The following CHN1 variants were observed in gnomAD, a reference collection of about 807,000 sequenced individuals.
CHN1 encodes the protein chimerin 1.
Under a neutral mutation model 59.5 loss-of-function variants are expected in CHN1, and 37 were observed. The ratio of observed to expected loss-of-function variants is 0.62; its 90% confidence interval spans 0.48 to 0.82. The LOEUF (loss-of-function observed/expected upper bound fraction) is 0.82. Among genes scored for constraint, CHN1 ranks in the 40% least tolerant of loss-of-function variants. The pLI is 0.00. For synonymous variants in CHN1, 206 were observed against 200.4 expected, an observed-to-expected ratio of 1.03 and a Z score of -0.24; for missense variants, 469 against 571.0, an observed-to-expected ratio of 0.82 and a Z score of 1.82.
intron 4 of CHN1, 55 bp downstream of exon 4, chr2:174,918,479 C>A: frequency 7.5e-7 from 1 of 1,328,244 alleles, no homozygotes; most frequent in Non-Finnish European, 1.0e-6. Flanking sequence ...TCCATTTACC[C>A]TGTCTGTCTT....
chr2:174,974,648 T>A (rs1326757482), intron 1 of CHN1, among the ~76,000 whole-genome samples: 2 of 152,146 alleles, frequency 1.3e-5, no homozygotes, highest in Middle Eastern at 3.2e-3. Flanking sequence ...AAGGCAAATA[T>A]GCTAGTAGTA....
At chr2:174,990,260 T>TGAGAGAGA (rs1163852070) in intron 1 of CHN1, among the ~76,000 whole-genome samples, 2 of 98,684 alleles carry the variant, frequency 2.0e-5, no homozygotes, top group African/African-American at 3.7e-5. Flanking sequence ...TGTGTGTGTG[T>TGAGAGAGA]GTGAGAGAGA....
At chr2:174,880,383 TAGGA>T (rs996140593) in intron 5 of CHN1, among the ~76,000 whole-genome samples, 2 of 152,228 alleles carry the variant, frequency 1.3e-5, no homozygotes, top group African/African-American at 4.8e-5. Flanking sequence ...GGAAGTTACC[TAGGA>T]ACAGCACCAC....
At chr2:174,918,884 A>G (rs1688923721) in intron 3 of CHN1, among the ~76,000 whole-genome samples, 1 of 152,160 alleles carries the variant, frequency 6.6e-6, no homozygotes, top group South Asian at 2.1e-4. Flanking sequence ...ATATAGCCAC[A>G]ATTGTGACAC....
intron 7 of CHN1, among the ~76,000 whole-genome samples, chr2:174,839,997 G>T (rs140804494): frequency 2.6e-5 from 4 of 151,780 alleles, no homozygotes; most frequent in African/African-American, 4.8e-5. Context: ...ACCCTCTGTC[G>T]AATTTTACTC....
At chr2:174,845,936 C>T (rs978860472) in intron 7 of CHN1, among the ~76,000 whole-genome samples, 1 of 152,102 alleles carries the variant, frequency 6.6e-6, no homozygotes, top group Non-Finnish European at 1.5e-5. Context: ...AATGAAAGAT[C>T]ATGATTTCCA....
At chr2:174,962,663 CG>C (rs539001023) in intron 1 of CHN1, among the ~76,000 whole-genome samples, 1,172 of 17,926 alleles carry the variant, frequency 0.065, 134 homozygotes, top group Middle Eastern at 0.15. Context: ...TTGGAAGGCC[CG>C]GGGGGGGGGG....
chr2:174,940,253 TC>T lies in CHN1; in HGVS notation c.114+4634del, dbSNP rs559553218. Among the ~76,000 whole-genome samples the T allele has an allele frequency of 2.6e-3, 391 of 152,282 alleles. 1 individual carries two copies. Among genetic ancestry groups the T allele is most frequent in the African/African-American group, 8.5e-3 (355 of 41,570 alleles). ...CACGTTGGCCAGGCTAGTCTTGATC[TC>T]CTGATCTCGTGATCCACCCGCCTTA... On this transcript the variant is annotated intron_variant, in intron 3 of 12. Transcript: ENST00000409900.
At chr2:174,946,845 T>C (rs941324997) in intron 2 of CHN1, among the ~76,000 whole-genome samples, 7 of 146,172 alleles carry the variant, frequency 4.8e-5, no homozygotes, top group Non-Finnish European at 7.4e-5. Flanking sequence ...GGGAGGATCA[T>C]TTGAGCTCAA....
At chr2:174,829,114 C>T (rs749606383) in intron 7 of CHN1, among the ~76,000 whole-genome samples, 5 of 152,150 alleles carry the variant, frequency 3.3e-5, no homozygotes, top group Non-Finnish European at 7.3e-5. Context: ...AGTTTCAAAG[C>T]CCTCTTGTGC....
intron 5 of CHN1, among the ~76,000 whole-genome samples, chr2:174,914,140 A>C (rs1467062144): frequency 1.3e-5 from 2 of 152,228 alleles, no homozygotes; most frequent in Non-Finnish European, 2.9e-5. Context: ...CTGTTTCCTC[A>C]TCTGTAAAAT....
chr2:174,826,846 A>G (rs1349532837), intron 7 of CHN1, among the ~76,000 whole-genome samples: 2 of 152,196 alleles, frequency 1.3e-5, no homozygotes, highest in African/African-American at 4.8e-5. Context: ...GTATCTCAGA[A>G]AGCAATCTTT....
intron 7 of CHN1, among the ~76,000 whole-genome samples, chr2:174,824,923 G>A (rs1298587810): frequency 6.6e-6 from 1 of 152,166 alleles, no homozygotes; most frequent in Non-Finnish European, 1.5e-5. Context: ...GGTTAGTAAT[G>A]AAGCGCCAAC....
At chr2:174,888,385 G>A (rs181289595) in intron 5 of CHN1, among the ~76,000 whole-genome samples, 44 of 152,224 alleles carry the variant, frequency 2.9e-4, no homozygotes, top group Admixed American at 2.5e-3. Flanking sequence ...ACACTCACTC[G>A]GAAGGATGAC....
chr2:174,923,923 T>C (rs541722225), intron 3 of CHN1, among the ~76,000 whole-genome samples: 3 of 152,350 alleles, frequency 2.0e-5, no homozygotes, highest in South Asian at 2.1e-4. Flanking sequence ...ATGAGCACTA[T>C]ATCGAAAATA....
At position 174,861,691 on chromosome 2, in the gene CHN1, G is replaced by A. The variant is rs2605286; in HGVS notation, c.550-14734C>T. On this transcript the variant is annotated intron_variant, in intron 6 of 12. Transcript: ENST00000409900. ...ATATGAACTAAAAACATGTTAGAGA[G>A]AAAATTTTGATAACATAGGTATCTT... Among the ~76,000 whole-genome samples the A allele has an allele frequency of 4.5e-3, 689 of 152,278 alleles. 5 individuals carry two copies. Among genetic ancestry groups the A allele is most frequent in the African/African-American group, 0.015 (626 of 41,564 alleles).
chr2:174,931,923 G>T (rs1689361137), intron 3 of CHN1, among the ~76,000 whole-genome samples: 1 of 152,156 alleles, frequency 6.6e-6, no homozygotes, highest in Admixed American at 6.5e-5. Context: ...CAGAATGGGG[G>T]CAGGGAAGAG....
At position 175,001,750 on chromosome 2, in the gene CHN1, T is replaced by C. The variant is rs528171086; in HGVS notation, c.19+3144A>G. On this transcript the variant is annotated intron_variant, in intron 1 of 12. Transcript: ENST00000409900. ...GTCTGGGCTATAAACCACAGCCCCA[T>C]TAAGCTATAAATGACAGAGATTCCT... is the stretch of plus-strand genomic sequence containing the variant. 3.3e-4 allele frequency among the ~76,000 whole-genome samples: 51 copies of C among 152,292 alleles called. No individual in the cohort carries two copies. The South Asian group carries it at 9.9e-3, about 30-fold the overall frequency.
In CHN1 at chr2:174,906,969, GA is replaced by G. The variant is rs1490565493; in HGVS notation, c.260+8088del. ...TTTACCAAACAGAAGAAACCTTGTAGATTTTCTTCCGTCTTTTCCTCCTGGT... is the reference window on the plus strand; with the variant it reads ...TTTACCAAACAGAAGAAACCTTGTAGTTTTCTTCCGTCTTTTCCTCCTGGT... On this transcript the variant is annotated intron_variant, in intron 5 of 12. Coordinates refer to ENST00000409900, the MANE Select transcript of CHN1 (RefSeq NM_001822.7). Among the ~76,000 whole-genome samples the G allele has an allele frequency of 2.6e-5, 4 of 152,296 alleles. 1 individual carries two copies. Among genetic ancestry groups the G allele is most frequent in the African/African-American group, 9.6e-5 (4 of 41,558 alleles).
Sources: gnomAD v4.1 joint callset for allele counts (sites outside exome capture counted in the v4.1 genomes callset) on GRCh38, gnomAD v4.1.1 for gene constraint, MANE v1.5 for transcripts, NCBI Gene and HGNC (gene_info 2026-07-23, HGNC 2026-07-21) for gene names.